Variants in ROBO1 observed in about 807,000 individuals in gnomAD.
The protein encoded by ROBO1 is roundabout guidance receptor 1.
A neutral mutation model predicts 195.9 loss-of-function variants in ROBO1; 149 were observed. That is an observed-to-expected ratio of 0.76 (90% confidence interval 0.67 to 0.87). The LOEUF is 0.87. Among genes scored for constraint, ROBO1 ranks in the 40% least tolerant of loss-of-function variants. The pLI is 0.00. For synonymous variants in ROBO1, 816 were observed against 733.2 expected, an observed-to-expected ratio of 1.11 and a Z score of -1.82; for missense variants, 1,933 against 2,068.3, an observed-to-expected ratio of 0.93 and a Z score of 1.27.
intron 2 of ROBO1, among the ~76,000 whole-genome samples, chr3:79,139,433 A>T (rs1669096804): frequency 1.3e-5 from 2 of 152,258 alleles, no homozygotes; most frequent in South Asian, 4.1e-4. Flanking sequence ...GATCTCTTAA[A>T]GTAATTGGGG....
intron 2 of ROBO1, among the ~76,000 whole-genome samples, chr3:79,141,620 C>T (rs1450094291): frequency 6.6e-6 from 1 of 150,864 alleles, no homozygotes; most frequent in Non-Finnish European, 1.5e-5. Context: ...ATTGCACCCT[C>T]CCCCACTTCT....
chr3:78,946,167 G>A (rs2040430725), intron 3 of ROBO1, among the ~76,000 whole-genome samples: 1 of 152,054 alleles, frequency 6.6e-6, no homozygotes, highest in Admixed American at 6.5e-5. Flanking sequence ...AGGAAATACA[G>A]AGAACACCAC....
intron 4 of ROBO1, among the ~76,000 whole-genome samples, chr3:78,785,562 C>A (rs76957788): frequency 0.027 from 4,046 of 152,252 alleles, 164 homozygotes; most frequent in African/African-American, 0.091. Flanking sequence ...GCCAAGCAGA[C>A]AAATCTCCTT....
chr3:78,763,153 C>T (rs1040288713), intron 4 of ROBO1, among the ~76,000 whole-genome samples: 3 of 152,116 alleles, frequency 2.0e-5, no homozygotes, highest in East Asian at 1.9e-4. Context: ...AAGTAAAGAC[C>T]GGCAATTAAA....
intron 5 of ROBO1, among the ~76,000 whole-genome samples, chr3:78,720,738 T>A (rs998682725): frequency 6.6e-6 from 1 of 152,192 alleles, no homozygotes; most frequent in East Asian, 1.9e-4. Flanking sequence ...ATGTGGCATA[T>A]ATACACCATG....
chr3:79,042,113 C>T (rs1192901982), intron 3 of ROBO1, among the ~76,000 whole-genome samples: 1 of 152,090 alleles, frequency 6.6e-6, no homozygotes, highest in East Asian at 1.9e-4. Context: ...ATTTATTAAG[C>T]ATTTCTATTT....
In ROBO1 at chr3:78,657,252, A is replaced by G; in HGVS notation, c.2460T>C (p.Asn820=). Residue 820 remains asparagine (N), a synonymous_variant, in exon 18 of 31, where the codon AAT becomes AAC. Coordinates refer to ENST00000464233, the MANE Select transcript of ROBO1 (RefSeq NM_002941.4). ...TTTTGTTGATGTGGTATCGAGTTTC[A>G]TTGCCCAGACACCAAACCTGTAAGA... ...VQEYKVWCLG[N]ETRYHINKTV... is the part of the protein sequence containing the mutation. The G allele has an allele frequency of 1.2e-6, 2 of 1,613,682 alleles. No homozygotes were observed.
chr3:78,604,743 T>C lies in ROBO1; in HGVS notation c.4744+1990A>G, dbSNP rs1297806093. ...AAGTTAGCTAATGACCAGATGTCCA[T>C]AATAAATACAACAATACACTGAGGT... On this transcript the variant is annotated intron_variant, in intron 29 of 30. Coordinates refer to ENST00000464233, the MANE Select transcript of ROBO1 (RefSeq NM_002941.4). Among the ~76,000 whole-genome samples, 3 of 152,180 alleles carry C rather than the reference T, an allele frequency of 2.0e-5. No homozygotes were observed. The East Asian group carries it at 5.8e-4, about 29-fold the overall frequency.
intron 2 of ROBO1, among the ~76,000 whole-genome samples, chr3:79,282,560 G>T (rs1035374000): frequency 6.6e-6 from 1 of 151,974 alleles, no homozygotes. Flanking sequence ...TAGACCTCTT[G>T]AATGATTGAA....
At chr3:78,720,791 G>A (rs1484301908) in intron 5 of ROBO1, among the ~76,000 whole-genome samples, 1 of 152,178 alleles carries the variant, frequency 6.6e-6, no homozygotes, top group Admixed American at 6.5e-5. Context: ...CATGTCCTTT[G>A]TAGGGACGTG....
At chr3:79,460,800 T>C (rs1937608844) in intron 2 of ROBO1, among the ~76,000 whole-genome samples, 1 of 152,078 alleles carries the variant, frequency 6.6e-6, no homozygotes, top group Non-Finnish European at 1.5e-5. Context: ...CAGGCTGGAG[T>C]GCAGTGGCGC....
chr3:78,895,452 T>C (rs1034247300), intron 4 of ROBO1, among the ~76,000 whole-genome samples: 2 of 152,228 alleles, frequency 1.3e-5, no homozygotes, highest in Non-Finnish European at 2.9e-5. Flanking sequence ...TTTGAAATGC[T>C]ATCATTGGAA....
intron 1 of ROBO1, among the ~76,000 whole-genome samples, chr3:79,658,999 T>C (rs564619084): frequency 3.2e-4 from 49 of 152,146 alleles, no homozygotes; most frequent in Non-Finnish European, 6.0e-4. Context: ...ACTCCCAAAG[T>C]GCCAGGATTA....
chr3:79,139,931 T>G (rs1179228136), intron 2 of ROBO1, among the ~76,000 whole-genome samples: 6 of 152,170 alleles, frequency 3.9e-5, no homozygotes, highest in Non-Finnish European at 7.3e-5. Context: ...GCTGCCCTTA[T>G]AGTATGAACA....
At chr3:79,610,912 G>C (rs1944637665) in intron 1 of ROBO1, among the ~76,000 whole-genome samples, 1 of 152,032 alleles carries the variant, frequency 6.6e-6, no homozygotes, top group African/African-American at 2.4e-5. Context: ...TCTGAGTTCT[G>C]ACTTCATATT....
intron 24 of ROBO1, among the ~76,000 whole-genome samples, chr3:78,632,269 G>C (rs1408573383): frequency 6.6e-6 from 1 of 152,208 alleles, no homozygotes; most frequent in East Asian, 1.9e-4. Context: ...TATTCAATGA[G>C]CCTTGATTTT....
intron 2 of ROBO1, among the ~76,000 whole-genome samples, chr3:79,298,980 C>T (rs1171786410): frequency 1.3e-5 from 2 of 152,022 alleles, no homozygotes; most frequent in Non-Finnish European, 2.9e-5. Flanking sequence ...AGGATATGAA[C>T]AGTTCCTTTG....
chr3:79,266,597 T>C (rs2029979728), intron 2 of ROBO1, among the ~76,000 whole-genome samples: 1 of 151,574 alleles, frequency 6.6e-6, no homozygotes, highest in Non-Finnish European at 1.5e-5. Flanking sequence ...TAGAGGATCA[T>C]TTTTCTAAGG....
chr3:79,731,884 A>G (rs1421420391), intron 1 of ROBO1, among the ~76,000 whole-genome samples: 1 of 152,096 alleles, frequency 6.6e-6, no homozygotes, highest in Non-Finnish European at 1.5e-5. Context: ...TTATCATAGG[A>G]AATTTCTAGG....
Sources: allele counts gnomAD v4.1 joint callset (sites outside exome capture counted in the v4.1 genomes callset), GRCh38; gene constraint gnomAD v4.1.1; transcripts MANE v1.5; gene names NCBI Gene and HGNC (gene_info 2026-07-23, HGNC 2026-07-21).